The following L3MBTL4 variants were observed in gnomAD, a reference collection of about 807,000 sequenced individuals.
The protein encoded by L3MBTL4 is lethal(3)malignant brain tumor-like protein 4.
Under a neutral mutation model 84.5 loss-of-function variants are expected in L3MBTL4, and 70 were observed. That is an observed-to-expected ratio of 0.83 (90% CI 0.68 to 1.01). L3MBTL4 has a LOEUF of 1.01. Among genes scored for constraint, L3MBTL4 ranks in the 50% least tolerant of loss-of-function variants. L3MBTL4 has a pLI of 0.00. For synonymous variants in L3MBTL4, 274 were observed against 259.8 expected (o/e 1.05, Z -0.52); for missense variants, 715 against 754.8 (o/e 0.95, Z 0.62).
At chr18:6,270,041 T>C (rs1158503826) in intron 4 of L3MBTL4, among the ~76,000 whole-genome samples, 1 of 152,228 alleles carries the variant, frequency 6.6e-6, no homozygotes, top group Non-Finnish European at 1.5e-5. Context: ...TCAAAAGTTA[T>C]GCTGCACGTG....
chr18:6,315,932 A>C (rs73387684), intron 1 of L3MBTL4, among the ~76,000 whole-genome samples: 8,684 of 149,084 alleles, frequency 0.058, 437 homozygotes, highest in African/African-American at 0.11. Flanking sequence ...AGTCTTGCAT[A>C]ATACTTTATG....
intron 13 of L3MBTL4, among the ~76,000 whole-genome samples, chr18:6,139,156 C>T (rs8092514): frequency 2.0e-4 from 31 of 152,196 alleles, no homozygotes; most frequent in East Asian, 1.2e-3. Context: ...CAGTACTATA[C>T]GCTACACTGT....
chr18:5,974,888 C>T (rs1395809903), intron 16 of L3MBTL4, among the ~76,000 whole-genome samples: 1 of 151,398 alleles, frequency 6.6e-6, no homozygotes, highest in Non-Finnish European at 1.5e-5. Context: ...CACTTGAGTT[C>T]AGGAGGTCAA....
At chr18:6,115,459 T>G (rs2059328685) in intron 14 of L3MBTL4, among the ~76,000 whole-genome samples, 1 of 152,182 alleles carries the variant, frequency 6.6e-6, no homozygotes, top group East Asian at 1.9e-4. Context: ...ACATCTCACT[T>G]TACAGGTTTC....
chr18:6,316,173 C>T (rs6506374), intron 1 of L3MBTL4, among the ~76,000 whole-genome samples: 21,573 of 135,252 alleles, frequency 0.16, 2,144 homozygotes, highest in African/African-American at 0.28. Context: ...GAGCTAGTGC[C>T]GGTGCCTACT....
chr18:5,972,264 A>C (rs547765524), intron 16 of L3MBTL4, among the ~76,000 whole-genome samples: 1 of 152,316 alleles, frequency 6.6e-6, no homozygotes, highest in South Asian at 2.1e-4. Flanking sequence ...TTACCATATC[A>C]ATTATACATC....
In L3MBTL4 at chr18:6,239,774, A is replaced by G. The variant is rs1568364601; in HGVS notation, c.651T>C (p.Ile217=). 9 of 1,614,180 alleles carry G rather than the reference A, an allele frequency of 5.6e-6. No individual in the cohort carries two copies. Among genetic ancestry groups the G allele is most frequent in the African/African-American group, 1.3e-5 (1 of 75,062 alleles). ...SLVCVATIAD[I]VEDRLLVHFD... ...AATGCACTAGTAAGCGATCTTCAAC[A>G]ATATCTGCTATGGTCGCCACACACA... is the stretch of plus-strand genomic sequence containing the variant. Residue 217 remains isoleucine, a synonymous_variant, in exon 9 of 19, where the codon ATT becomes ATC. Transcript: ENST00000317931.
chr18:6,054,166 T>G (rs755888358), intron 16 of L3MBTL4, among the ~76,000 whole-genome samples: 1 of 152,126 alleles, frequency 6.6e-6, no homozygotes, highest in African/African-American at 2.4e-5. Flanking sequence ...GATCTTAGTA[T>G]GCGAAACTGA....
chr18:6,118,910 C>G (rs1359575044), intron 14 of L3MBTL4, among the ~76,000 whole-genome samples: 1 of 151,690 alleles, frequency 6.6e-6, no homozygotes, highest in Non-Finnish European at 1.5e-5. Context: ...ATCATTTGGC[C>G]CAAATGTTCA....
intron 12 of L3MBTL4, among the ~76,000 whole-genome samples, chr18:6,189,446 T>G (rs1394403848): frequency 1.3e-5 from 2 of 152,156 alleles, no homozygotes; most frequent in Non-Finnish European, 2.9e-5. Context: ...CGGCCCTTTC[T>G]GAGGGAAAAC....
At chr18:6,219,987 GC>G (rs1453824247) in intron 10 of L3MBTL4, among the ~76,000 whole-genome samples, 2 of 152,068 alleles carry the variant, frequency 1.3e-5, no homozygotes, top group Non-Finnish European at 2.9e-5. Flanking sequence ...GATCACTTGA[GC>G]CGCTGAGTTC....
intron 16 of L3MBTL4, among the ~76,000 whole-genome samples, chr18:5,988,820 T>C (rs949319300): frequency 1.3e-5 from 2 of 152,124 alleles, no homozygotes; most frequent in African/African-American, 4.8e-5. Context: ...GGGGTGTGGA[T>C]GGAAAGTGGG....
At chr18:5,987,560 C>G (rs2053518494) in intron 16 of L3MBTL4, among the ~76,000 whole-genome samples, 1 of 152,218 alleles carries the variant, frequency 6.6e-6, no homozygotes, top group East Asian at 1.9e-4. Flanking sequence ...CAAACCTCAC[C>G]TTGGCACTGG....
chr18:6,013,094 A>T (rs2054808935), intron 16 of L3MBTL4, among the ~76,000 whole-genome samples: 1 of 152,260 alleles, frequency 6.6e-6, no homozygotes, highest in South Asian at 2.1e-4. Flanking sequence ...AAGGGGAAAC[A>T]AATAATCAAA....
At chr18:6,045,494 A>G (rs550852622) in intron 16 of L3MBTL4, among the ~76,000 whole-genome samples, 1 of 152,314 alleles carries the variant, frequency 6.6e-6, no homozygotes, top group East Asian at 1.9e-4. Flanking sequence ...GGGAGGCCTC[A>G]TAATTACGGT....
intron 1 of L3MBTL4, among the ~76,000 whole-genome samples, chr18:6,342,391 T>C (rs2052649460): frequency 1.3e-5 from 2 of 152,158 alleles, no homozygotes; most frequent in South Asian, 4.1e-4. Context: ...ATAGATTTAT[T>C]ATATTAAAAA....
At chr18:6,257,634 TTTTTCTTTTTC>T (rs1162750235) in intron 5 of L3MBTL4, among the ~76,000 whole-genome samples, 15 of 150,452 alleles carry the variant, frequency 1.0e-4, no homozygotes, top group African/African-American at 3.7e-4. Context: ...TTTCTTTTTC[TTTTTCTTTTTC>T]TTTTTTTTTT....
At chr18:6,202,013 A>C (rs1218731298) in intron 12 of L3MBTL4, among the ~76,000 whole-genome samples, 1 of 152,208 alleles carries the variant, frequency 6.6e-6, no homozygotes, top group Non-Finnish European at 1.5e-5. Context: ...ATGTAAACAG[A>C]CTGTAACCTA....
intron 14 of L3MBTL4, among the ~76,000 whole-genome samples, chr18:6,104,575 G>A (rs1452009940): frequency 6.6e-6 from 1 of 152,178 alleles, no homozygotes; most frequent in Non-Finnish European, 1.5e-5. Context: ...AGGCTGCAGG[G>A]AGGGAAAATG....
Sources: gnomAD v4.1 joint callset for allele counts (sites outside exome capture counted in the v4.1 genomes callset) on GRCh38, gnomAD v4.1.1 for gene constraint, MANE v1.5 for transcripts, NCBI Gene and HGNC (gene_info 2026-07-23, HGNC 2026-07-21) for gene names.